Variants in ROBO1 observed in about 807,000 individuals in gnomAD.
ROBO1 encodes the protein roundabout guidance receptor 1.
A neutral mutation model predicts 195.9 loss-of-function variants in ROBO1; 149 were observed. That is an observed-to-expected ratio of 0.76 (90% CI 0.67 to 0.87). The LOEUF is 0.87. Ranked by LOEUF, ROBO1 falls within the 40% of genes least tolerant of loss-of-function variation. The pLI is 0.00. For synonymous variants in ROBO1, 816 were observed against 733.2 expected, an observed-to-expected ratio of 1.11 and a Z score of -1.82; for missense variants, 1,933 against 2,068.3, an observed-to-expected ratio of 0.93 and a Z score of 1.27.
chr3:79,654,848 T>G (rs547904431), intron 1 of ROBO1, among the ~76,000 whole-genome samples: 2 of 152,196 alleles, frequency 1.3e-5, no homozygotes, highest in East Asian at 3.9e-4. Context: ...TATTTCATCC[T>G]TTTCTGTTTG....
At chr3:79,396,204 T>C (rs540225235) in intron 2 of ROBO1, among the ~76,000 whole-genome samples, 63 of 152,232 alleles carry the variant, frequency 4.1e-4, no homozygotes, top group African/African-American at 1.5e-3. Context: ...GAACAACTTT[T>C]AATAAAATTG....
intron 3 of ROBO1, among the ~76,000 whole-genome samples, chr3:78,942,769 G>A (rs1485850073): frequency 6.6e-6 from 1 of 152,176 alleles, no homozygotes; most frequent in Admixed American, 6.5e-5. Context: ...CAGGCCCAGT[G>A]GCACACGCCT....
intron 2 of ROBO1, among the ~76,000 whole-genome samples, chr3:79,305,517 A>C (rs964517619): frequency 4.0e-5 from 6 of 151,628 alleles, no homozygotes; most frequent in South Asian, 2.1e-4. Flanking sequence ...AAAGAATTAC[A>C]AAAGAAAGAG....
Position 78,974,339 on chromosome 3 carries a change from G to T in ROBO1, c.173-35412C>A, listed in dbSNP as rs6768690. ...TTTAGACTTAGGAAATTAAAAAAAA[G>T]AAGAAGAAAAAAAAGGACACTTTTC... On this transcript the variant is annotated intron_variant, in intron 3 of 30. Coordinates refer to ENST00000464233, the MANE Select transcript of ROBO1 (RefSeq NM_002941.4). 3.1e-4 allele frequency among the ~76,000 whole-genome samples: 47 copies of T among 152,004 alleles called. 1 individual carries two copies. Among genetic ancestry groups the T allele is most frequent in the African/African-American group, 1.0e-3 (43 of 41,494 alleles).
At chr3:78,860,131 GTAGA>G (rs1258220847) in intron 4 of ROBO1, among the ~76,000 whole-genome samples, 1 of 131,716 alleles carries the variant, frequency 7.6e-6, no homozygotes, top group Non-Finnish European at 1.6e-5. Context: ...ACATAGGTAG[GTAGA>G]TAGGTAGATA....
At chr3:78,627,300 A>G in intron 26 of ROBO1, 21 bp downstream of exon 26, 2 of 1,602,104 alleles carry the variant, frequency 1.2e-6, no homozygotes, top group Non-Finnish European at 1.7e-6. Context: ...TTGTTAGCAA[A>G]GAAGGCTAGT....
chr3:78,869,241 C>T (rs1408043287), intron 4 of ROBO1, among the ~76,000 whole-genome samples: 1 of 152,108 alleles, frequency 6.6e-6, no homozygotes, highest in Non-Finnish European at 1.5e-5. Context: ...AACTGATCAA[C>T]TTACCCAGTA....
intron 2 of ROBO1, among the ~76,000 whole-genome samples, chr3:79,511,993 T>C (rs768479685): frequency 6.6e-6 from 1 of 152,122 alleles, no homozygotes; most frequent in Non-Finnish European, 1.5e-5. Flanking sequence ...ACCTGGATGA[T>C]GAAATAATCT....
intron 3 of ROBO1, among the ~76,000 whole-genome samples, chr3:79,086,031 G>A (rs573231627): frequency 3.3e-5 from 5 of 151,830 alleles, no homozygotes; most frequent in South Asian, 2.1e-4. Context: ...CAGCTAATGC[G>A]ATAGACATTG....
At chr3:78,747,132 G>C (rs142010468) in intron 4 of ROBO1, among the ~76,000 whole-genome samples, 1 of 152,114 alleles carries the variant, frequency 6.6e-6, no homozygotes, top group Non-Finnish European at 1.5e-5. Flanking sequence ...CAGCAGGCGC[G>C]TGTATTCCGC....
chr3:78,619,450 C>T (rs1704320059), intron 26 of ROBO1, among the ~76,000 whole-genome samples: 1 of 151,584 alleles, frequency 6.6e-6, no homozygotes, highest in African/African-American at 2.4e-5. Context: ...AAGTGAATGT[C>T]GGCACCTCTC....
At chr3:79,138,823 T>C (rs1244286332) in intron 2 of ROBO1, among the ~76,000 whole-genome samples, 1 of 151,912 alleles carries the variant, frequency 6.6e-6, no homozygotes, top group African/African-American at 2.4e-5. Flanking sequence ...GATATAGATA[T>C]ATAGATATAG....
At chr3:78,625,932 G>A (rs1302507330) in intron 26 of ROBO1, among the ~76,000 whole-genome samples, 1 of 152,058 alleles carries the variant, frequency 6.6e-6, no homozygotes, top group Non-Finnish European at 1.5e-5. Context: ...CATGAAGGGA[G>A]CTGAGTTAAC....
intron 4 of ROBO1, among the ~76,000 whole-genome samples, chr3:78,778,936 C>T (rs1471967094): frequency 1.3e-5 from 2 of 152,038 alleles, no homozygotes; most frequent in Non-Finnish European, 2.9e-5. Flanking sequence ...GAACAGAGGC[C>T]TCAGAAATAA....
intron 8 of ROBO1, among the ~76,000 whole-genome samples, chr3:78,711,328 CTT>C (rs1559772482): frequency 2.7e-4 from 24 of 89,712 alleles, no homozygotes; most frequent in African/African-American, 1.1e-3. Flanking sequence ...TCTCTCTCTC[CTT>C]CCTTCCTTCC....
At chr3:78,801,266 T>C (rs1015245989) in intron 4 of ROBO1, among the ~76,000 whole-genome samples, 1 of 152,220 alleles carries the variant, frequency 6.6e-6, no homozygotes. Context: ...TTCTGTTCTT[T>C]TTGCTAAAAC....
chr3:78,934,684 C>T (rs992379638), intron 4 of ROBO1, among the ~76,000 whole-genome samples: 1 of 151,864 alleles, frequency 6.6e-6, no homozygotes, highest in Non-Finnish European at 1.5e-5. Context: ...TCATCTATTC[C>T]AAGCTCAAAA....
At chr3:79,117,374 CA>C (rs1368619283) in intron 3 of ROBO1, among the ~76,000 whole-genome samples, 1 of 147,700 alleles carries the variant, frequency 6.8e-6, no homozygotes, top group Non-Finnish European at 1.5e-5. Context: ...CATCTCAAAA[CA>C]AAAACAAAAA....
At chr3:79,418,005 C>T (rs1395732523) in intron 2 of ROBO1, among the ~76,000 whole-genome samples, 2 of 152,082 alleles carry the variant, frequency 1.3e-5, no homozygotes, top group South Asian at 2.1e-4. Context: ...AGATAGATAG[C>T]CCTATGAAGC....
Sources: gnomAD v4.1 joint callset for allele counts (sites outside exome capture counted in the v4.1 genomes callset) on GRCh38, gnomAD v4.1.1 for gene constraint, MANE v1.5 for transcripts, NCBI Gene and HGNC (gene_info 2026-07-23, HGNC 2026-07-21) for gene names.